The following RFC3 variants were observed in gnomAD, a reference collection of about 807,000 sequenced individuals.
RFC3 encodes the protein replication factor C subunit 3, also known as A1 38 kDa subunit.
Under a neutral mutation model 45.1 loss-of-function variants are expected in RFC3, and 41 were observed. That is an observed-to-expected ratio of 0.91 (90% CI 0.71 to 1.18). The LOEUF is 1.18. Among genes scored for constraint, RFC3 ranks in the 50% most tolerant of loss-of-function variants. RFC3 has a pLI of 0.00. For synonymous variants in RFC3, 149 were observed against 144.0 expected, an observed-to-expected ratio of 1.03 and a Z score of -0.25; for missense variants, 423 against 428.1, an observed-to-expected ratio of 0.99 and a Z score of 0.10.
chr13:33,888,615 T>A (rs2082542627), intron 8 of RFC3, among the ~76,000 whole-genome samples: 1 of 152,198 alleles, frequency 6.6e-6, no homozygotes, highest in Non-Finnish European at 1.5e-5. Flanking sequence ...AATGAAAGTT[T>A]TGTATAGTAA....
chr13:33,909,300 C>A (rs1455266656), intron 8 of RFC3, among the ~76,000 whole-genome samples: 2 of 151,946 alleles, frequency 1.3e-5, no homozygotes, highest in Non-Finnish European at 2.9e-5. Context: ...TCTCTTGGGG[C>A]CTCTGAGGTA....
chr13:33,953,728 C>T (rs528332293), intron 8 of RFC3, among the ~76,000 whole-genome samples: 23 of 152,172 alleles, frequency 1.5e-4, no homozygotes, highest in Admixed American at 1.2e-3. Context: ...TATTTCCAGA[C>T]GTTTTTGGTT....
At position 33,821,130 on chromosome 13, in the gene RFC3, A is replaced by G. The variant is rs757414167; in HGVS notation, c.88-2A>G. The G allele has an allele frequency of 1.9e-6, 3 of 1,611,252 alleles. No individual in the cohort carries two copies. The South Asian group carries it at 3.3e-5, about 18-fold the overall frequency. ...GAAAAATGCCTTGTTCTTTTTTTTC[A>G]GGTGCAGTGTGGTGACTTTCCTCAT... On this transcript the variant is annotated splice_acceptor_variant, in intron 1 of 8. Coordinates refer to ENST00000380071, the MANE Select transcript of RFC3 (RefSeq NM_002915.4). LOFTEE classifies it high-confidence loss of function.
rs148355172 is a variant in RFC3 at position 33,908,167 on chromosome 13, G to GA, written c.880-57912dup. On this transcript the variant is annotated intron_variant, in intron 8 of 8. Transcript: ENST00000434425. ...TTAATAATTTGCACTGCATTTATCT[G>GA]AAAAAAAACACACACACACAGTGCT... 6.3e-3 allele frequency among the ~76,000 whole-genome samples: 953 copies of GA among 151,474 alleles called. 11 individuals are homozygous for GA. Among genetic ancestry groups the GA allele is most frequent in the African/African-American group, 0.021 (860 of 41,324 alleles).
intron 8 of RFC3, among the ~76,000 whole-genome samples, chr13:33,909,324 C>G (rs897405106): frequency 6.6e-6 from 1 of 152,114 alleles, no homozygotes; most frequent in East Asian, 1.9e-4. Flanking sequence ...AGAGGCCACC[C>G]TGGTCCCTGA....
Position 33,920,420 on chromosome 13 carries a change from C to CTTT in RFC3, c.880-45644_880-45642dup, listed in dbSNP as rs777079510. 2.6e-3 allele frequency among the ~76,000 whole-genome samples: 219 copies of CTTT among 83,160 alleles called. 11 individuals carry two copies. The highest frequency in any genetic ancestry group is 6.2e-3 in the African/African-American group (122 of 19,598). The allele number at this position is 83,160 out of a possible 152,430, so 54.6% of individuals were successfully genotyped here. Reference sequence around the variant, plus strand: ...GAGTTTTAGAATTTGTACAACCACACTTTTTTTTTTTTTTTTTTTTTTTTT... The same window carrying CTTT: ...GAGTTTTAGAATTTGTACAACCACACTTTTTTTTTTTTTTTTTTTTTTTTTTTT... On this transcript the variant is annotated intron_variant, in intron 8 of 8. Transcript: ENST00000434425.
intron 8 of RFC3, among the ~76,000 whole-genome samples, chr13:33,893,961 G>A (rs1029412131): frequency 1.3e-5 from 2 of 151,972 alleles, no homozygotes; most frequent in South Asian, 2.1e-4. Flanking sequence ...TTATTGAAAG[G>A]AAAAAAACAA....
At chr13:33,918,096 A>T (rs2082744861) in intron 8 of RFC3, among the ~76,000 whole-genome samples, 1 of 152,194 alleles carries the variant, frequency 6.6e-6, no homozygotes. Context: ...GGCTTGCCCA[A>T]GGTCATTGAG....
intron 8 of RFC3, among the ~76,000 whole-genome samples, chr13:33,868,236 C>T (rs1214807782): frequency 6.6e-6 from 1 of 152,146 alleles, no homozygotes; most frequent in Non-Finnish European, 1.5e-5. Flanking sequence ...CCTTCCCTTC[C>T]ATTTGTGCAG....
chr13:33,837,939 A>AT (rs563922612), downstream of RFC3, among the ~76,000 whole-genome samples: 89 of 149,488 alleles, frequency 6.0e-4, no homozygotes, highest in African/African-American at 1.5e-3. Context: ...TTCACTTGTG[A>AT]TTTTTTTTTT....
the RFC3 span, among the ~76,000 whole-genome samples, chr13:33,972,507 A>G: frequency 6.6e-6 from 1 of 152,120 alleles, no homozygotes; most frequent in Non-Finnish European, 1.5e-5. Flanking sequence ...TTTTTGTTGT[A>G]TTTTACCAAG....
At chr13:33,971,617 A>T in the RFC3 span, among the ~76,000 whole-genome samples, 1 of 152,228 alleles carries the variant, frequency 6.6e-6, no homozygotes, top group Non-Finnish European at 1.5e-5. Flanking sequence ...TCCTCCAATA[A>T]AACTTTATTG....
At chr13:33,947,792 A>G (rs1410537224) in intron 8 of RFC3, among the ~76,000 whole-genome samples, 2 of 152,194 alleles carry the variant, frequency 1.3e-5, no homozygotes, top group Admixed American at 1.3e-4. Flanking sequence ...GACTCGTGCT[A>G]TGCTTTAGCA....
At chr13:33,964,917 C>T (rs899288250) in intron 8 of RFC3, among the ~76,000 whole-genome samples, 3 of 152,078 alleles carry the variant, frequency 2.0e-5, no homozygotes, top group Non-Finnish European at 2.9e-5. Flanking sequence ...GGACAGACAA[C>T]GAGGAGGGAG....
chr13:33,818,352 G>T, intron 1 of RFC3, 87 bp downstream of exon 1: 1 of 1,035,910 alleles, frequency 9.7e-7, no homozygotes, highest in Non-Finnish European at 1.5e-6. Flanking sequence ...TGCTTCTCCC[G>T]CCCGCATTGG....
In RFC3 at chr13:33,953,416, G is replaced by A. The variant is rs558582989; in HGVS notation, c.880-12671G>A. ...TCAATAGTGACTCAATGGCAATGTT[G>A]TGGTTGAAATTGTTGCTCCTAGATA... On this transcript the variant is annotated intron_variant, in intron 8 of 8. Transcript: ENST00000434425. Among the ~76,000 whole-genome samples the A allele has an allele frequency of 2.0e-5, 3 of 151,138 alleles. No individual in the cohort carries two copies. In the South Asian group the frequency reaches 6.3e-4, roughly 32 times the overall value.
chr13:33,967,006 A>T (rs2083091243), downstream of RFC3, among the ~76,000 whole-genome samples: 1 of 151,914 alleles, frequency 6.6e-6, no homozygotes, highest in African/African-American at 2.4e-5. Flanking sequence ...AAAATACAAA[A>T]AATTAGCTGG....
intron 8 of RFC3, among the ~76,000 whole-genome samples, chr13:33,887,624 G>T (rs1327131742): frequency 6.6e-6 from 1 of 152,090 alleles, no homozygotes; most frequent in Non-Finnish European, 1.5e-5. Context: ...TGCTGTGCAG[G>T]AGCTCTTTAG....
At chr13:33,909,419 GT>G (rs1455196757) in intron 8 of RFC3, among the ~76,000 whole-genome samples, 1 of 151,968 alleles carries the variant, frequency 6.6e-6, no homozygotes, top group Non-Finnish European at 1.5e-5. Flanking sequence ...GGGGAGGCTT[GT>G]TTTCTCCTTC....
Sources: allele counts gnomAD v4.1 joint callset (sites outside exome capture counted in the v4.1 genomes callset), GRCh38; gene constraint gnomAD v4.1.1; transcripts MANE v1.5; gene names NCBI Gene and HGNC (gene_info 2026-07-23, HGNC 2026-07-21).